SMIM14: variants seen among roughly 807,000 people sequenced by gnomAD.
SMIM14 encodes the protein small integral membrane protein 14.
Under a neutral mutation model 12.6 loss-of-function variants are expected in SMIM14, and 5 were observed. That is an observed-to-expected ratio of 0.40 (90% confidence interval 0.21 to 0.83). The LOEUF (loss-of-function observed/expected upper bound fraction) is 0.83. SMIM14 is among the 40% of genes least tolerant of loss of function. SMIM14 has a pLI of 0.37. For synonymous variants in SMIM14, 30 were observed against 40.1 expected (o/e 0.75, Z 0.95); for missense variants, 86 against 119.1 (o/e 0.72, Z 1.29).
At chr4:39,590,321 G>A (rs1425548651) in intron 2 of SMIM14, among the ~76,000 whole-genome samples, 3 of 151,480 alleles carry the variant, frequency 2.0e-5, no homozygotes, top group African/African-American at 4.9e-5. Context: ...GCTGAGGCAG[G>A]AGAATTGCTT....
intron 2 of SMIM14, among the ~76,000 whole-genome samples, chr4:39,590,801 C>CAAAA (rs199795378): frequency 3.6e-5 from 4 of 112,010 alleles, no homozygotes; most frequent in African/African-American, 1.6e-4. Context: ...CACTCTGTCT[C>CAAAA]AAAAAAAAAA....
At position 39,552,121 on chromosome 4, in the gene SMIM14, C is replaced by G. The variant is rs1485072923; in HGVS notation, c.*5G>C. On this transcript the variant is annotated 3_prime_UTR_variant, in exon 5 of 5. Coordinates refer to ENST00000295958, the MANE Select transcript of SMIM14 (RefSeq NM_174921.3). The stretch of plus-strand genomic sequence containing the variant: ...TTAACTATTTTCACTTCCCATATCA[C>G]AAAGTTAGTCCACAGGAGGAGCTGG... The G allele has an allele frequency of 5.0e-6, 8 of 1,593,438 alleles. No homozygotes were observed. In the African/African-American group the frequency reaches 1.1e-4, roughly 21 times the overall value.
rs917748795 is a variant in SMIM14 at position 39,551,397 on chromosome 4, T to C, written c.*729A>G. ...AGTGTTGAGTGGCTTACAAATGTCATATAATGGACTGTAAATCATCTGCCA... is the reference window on the plus strand; with the variant it reads ...AGTGTTGAGTGGCTTACAAATGTCACATAATGGACTGTAAATCATCTGCCA... On this transcript the variant is annotated 3_prime_UTR_variant, in exon 5 of 5. Coordinates refer to ENST00000295958, the MANE Select transcript of SMIM14 (RefSeq NM_174921.3). 2.0e-5 allele frequency: 3 copies of C among 152,696 alleles called. No individual in the cohort carries two copies. Among genetic ancestry groups the C allele is most frequent in the African/African-American group, 7.2e-5 (3 of 41,474 alleles). The allele number at this position is 152,696 out of a possible 1,614,324, so 9.5% of individuals were successfully genotyped here.
chr4:39,585,517 G>A (rs970763151), intron 2 of SMIM14, among the ~76,000 whole-genome samples: 4 of 151,828 alleles, frequency 2.6e-5, no homozygotes, highest in Admixed American at 1.3e-4. Context: ...GTCTGGTCTC[G>A]AACTCCCGAC....
At chr4:39,610,839 TA>T (rs1423310288) in intron 1 of SMIM14, among the ~76,000 whole-genome samples, 1 of 152,122 alleles carries the variant, frequency 6.6e-6, no homozygotes, top group Non-Finnish European at 1.5e-5. Flanking sequence ...TTAAGACTTC[TA>T]AAATATAAAT....
Position 39,638,496 on chromosome 4 carries a change from G to A in SMIM14, c.-36+243C>T, listed in dbSNP as rs965098318. 1.4e-5 allele frequency: 14 copies of A among 985,290 alleles called. No homozygotes were observed. In the African/African-American group the frequency reaches 2.4e-4, roughly 17 times the overall value. The allele number at this position is 985,290 out of a possible 1,614,324, so 61.0% of individuals were successfully genotyped here. On this transcript the variant is annotated intron_variant, in intron 1 of 4. Coordinates refer to ENST00000295958, the MANE Select transcript of SMIM14 (RefSeq NM_174921.3). ...ACCTTGCCCTTGCCTGCAAAGCCCC[G>A]ACTCTGACATCCTGCAGAGAATACC... is the stretch of plus-strand genomic sequence containing the variant.
In SMIM14 at chr4:39,558,818, C is replaced by T. The variant is rs1193228140; in HGVS notation, c.125-2248G>A. Reference sequence around the variant, plus strand: ...CCACCTCCCGGGTTCAAGCAATTCTCCTGTCTCAGTCTCCCCTGTAGCTGG... The same window carrying T: ...CCACCTCCCGGGTTCAAGCAATTCTTCTGTCTCAGTCTCCCCTGTAGCTGG... On this transcript the variant is annotated intron_variant, in intron 3 of 4. Coordinates refer to ENST00000295958, the MANE Select transcript of SMIM14 (RefSeq NM_174921.3). The surrounding 1 kb of genome is among the most constrained non-coding windows in gnomAD (Gnocchi z 4.3). Among the ~76,000 whole-genome samples the T allele has an allele frequency of 6.6e-6, 1 of 152,140 alleles. No individual in the cohort carries two copies. Among genetic ancestry groups the T allele is most frequent in the Admixed American group, 6.6e-5 (1 of 15,264 alleles).
intron 2 of SMIM14, among the ~76,000 whole-genome samples, chr4:39,574,455 C>T (rs1713066891): frequency 6.6e-6 from 1 of 152,038 alleles, no homozygotes; most frequent in African/African-American, 2.4e-5. Context: ...GTTGCCCAGG[C>T]TGGTCTCAAA....
intron 2 of SMIM14, among the ~76,000 whole-genome samples, chr4:39,577,910 G>A (rs568518567): frequency 1.3e-5 from 2 of 152,142 alleles, no homozygotes; most frequent in Admixed American, 6.5e-5. Flanking sequence ...GTGGCTTGAC[G>A]GCTACATTCC....
chr4:39,594,039 T>C (rs1020080209), intron 2 of SMIM14: 3 of 152,080 alleles, frequency 2.0e-5, no homozygotes, highest in Admixed American at 6.6e-5. Context: ...CTTCATAGAA[T>C]TGGAAAAAAC....
chr4:39,575,804 A>C (rs1377260483), intron 2 of SMIM14, among the ~76,000 whole-genome samples: 18 of 145,594 alleles, frequency 1.2e-4, no homozygotes, highest in African/African-American at 4.6e-4. Context: ...TATGTTACCC[A>C]GGCTGGTCTT....
At chr4:39,635,100 C>T (rs1450751052) in intron 1 of SMIM14, among the ~76,000 whole-genome samples, 10 of 152,154 alleles carry the variant, frequency 6.6e-5, no homozygotes, top group Non-Finnish European at 1.5e-5. Context: ...TGACCTAACA[C>T]CTGAATAACA....
chr4:39,566,223 AC>A (rs1335542591), intron 3 of SMIM14, among the ~76,000 whole-genome samples: 1 of 151,678 alleles, frequency 6.6e-6, no homozygotes, highest in Non-Finnish European at 1.5e-5. Context: ...AGATGACTGG[AC>A]AGTGTGAGAA....
intron 2 of SMIM14, among the ~76,000 whole-genome samples, chr4:39,601,946 T>TC (rs200465052): frequency 0.026 from 2,012 of 77,152 alleles, 112 homozygotes; most frequent in Middle Eastern, 0.085. Context: ...AGACCCTATC[T>TC]TAAAAAAAAA....
At chr4:39,571,889 A>G (rs1712910402) in intron 3 of SMIM14, among the ~76,000 whole-genome samples, 1 of 150,846 alleles carries the variant, frequency 6.6e-6, no homozygotes, top group Non-Finnish European at 1.5e-5. Context: ...TGCAGCCTCA[A>G]CCTCCCCAGG....
chr4:39,611,564 C>CT (rs1250815586), intron 1 of SMIM14, among the ~76,000 whole-genome samples: 1 of 151,028 alleles, frequency 6.6e-6, no homozygotes, highest in Non-Finnish European at 1.5e-5. Context: ...ATCCTAGCTA[C>CT]TCAGGAGGCT....
intron 2 of SMIM14, among the ~76,000 whole-genome samples, chr4:39,577,654 G>A (rs1191416329): frequency 6.6e-6 from 1 of 152,084 alleles, no homozygotes; most frequent in Non-Finnish European, 1.5e-5. Context: ...TCTTGAACTC[G>A]TGACCTCAAG....
At chr4:39,565,595 A>T (rs1301428300) in intron 3 of SMIM14, among the ~76,000 whole-genome samples, 2 of 152,224 alleles carry the variant, frequency 1.3e-5, no homozygotes, top group Non-Finnish European at 2.9e-5. Flanking sequence ...AAATGGGATT[A>T]CAAGTGTGAT....
chr4:39,624,713 A>C (rs1250689255), intron 1 of SMIM14, among the ~76,000 whole-genome samples: 1 of 149,638 alleles, frequency 6.7e-6, no homozygotes. Context: ...AATCCCAGCT[A>C]CTTGGGAGGC....
Sources: allele counts gnomAD v4.1 joint callset (sites outside exome capture counted in the v4.1 genomes callset), GRCh38; gene constraint gnomAD v4.1.1; non-coding constraint Gnocchi (gnomAD v3.1); transcripts MANE v1.5; gene names NCBI Gene and HGNC (gene_info 2026-07-23, HGNC 2026-07-21).